CACNA1E: variants seen among roughly 807,000 people sequenced by gnomAD.
The protein encoded by CACNA1E is calcium voltage-gated channel subunit alpha1 E.
A neutral mutation model predicts 259.2 loss-of-function variants in CACNA1E; 40 were observed. The ratio of observed to expected loss-of-function variants is 0.15; its 90% CI spans 0.12 to 0.20. The LOEUF (loss-of-function observed/expected upper bound fraction) is 0.20. Ranked by LOEUF, CACNA1E falls within the 10% of genes least tolerant of loss-of-function variation. The probability of loss-of-function intolerance (pLI) is 1.00; values close to 1 mark genes in which losing one functional copy is unlikely to be tolerated. For synonymous variants in CACNA1E, 1,104 were observed against 1,138.5 expected, an observed-to-expected ratio of 0.97 and a Z score of 0.61; for missense variants, 1,874 against 3,040.1, an observed-to-expected ratio of 0.62 and a Z score of 9.02.
At chr1:181,566,864 A>G (rs982224085) in intron 3 of CACNA1E, among the ~76,000 whole-genome samples, 3 of 151,480 alleles carry the variant, frequency 2.0e-5, no homozygotes, top group Admixed American at 6.6e-5. Context: ...CCCAGAGGAC[A>G]TTTGACAATG....
At chr1:181,693,943 G>A (rs191146937) in intron 7 of CACNA1E, among the ~76,000 whole-genome samples, 9 of 152,168 alleles carry the variant, frequency 5.9e-5, no homozygotes, top group East Asian at 1.9e-4. Context: ...TCTACCAAAC[G>A]TTAAGGAAGA....
intron 26 of CACNA1E, among the ~76,000 whole-genome samples, chr1:181,750,753 T>C (rs1657521353): frequency 6.6e-6 from 1 of 152,222 alleles, no homozygotes; most frequent in South Asian, 2.1e-4. Context: ...TTGTAAAACA[T>C]GCCAAAGTCT....
At chr1:181,494,606 G>A (rs1419296408) in intron 1 of CACNA1E, among the ~76,000 whole-genome samples, 2 of 152,152 alleles carry the variant, frequency 1.3e-5, no homozygotes, top group African/African-American at 4.8e-5. Flanking sequence ...CTTCAAACAA[G>A]TGTATTATCC....
intron 6 of CACNA1E, among the ~76,000 whole-genome samples, chr1:181,620,330 G>T (rs1308707515): frequency 1.3e-5 from 2 of 152,164 alleles, no homozygotes; most frequent in Admixed American, 1.3e-4. Context: ...AAGACATCCT[G>T]ATTGCTATTA....
At chr1:181,691,347 T>A (rs1296522398) in intron 7 of CACNA1E, among the ~76,000 whole-genome samples, 2 of 152,098 alleles carry the variant, frequency 1.3e-5, no homozygotes, top group African/African-American at 4.8e-5. Flanking sequence ...TCTGTTCTGC[T>A]ATCTGCTCTG....
chr1:181,438,127 C>A (rs943846354), intron 2 of CACNA1E, among the ~76,000 whole-genome samples: 1 of 152,214 alleles, frequency 6.6e-6, no homozygotes, highest in African/African-American at 2.4e-5. Flanking sequence ...TGGCCATACT[C>A]CCTTGGGGTG....
intron 37 of CACNA1E, among the ~76,000 whole-genome samples, chr1:181,773,162 A>T (rs1167331329): frequency 6.6e-6 from 1 of 152,302 alleles, no homozygotes; most frequent in East Asian, 1.9e-4. Flanking sequence ...AGGCATTGCT[A>T]CCTTGCAAGT....
intron 2 of CACNA1E, among the ~76,000 whole-genome samples, chr1:181,459,372 A>C (rs114934389): frequency 0.016 from 2,470 of 152,366 alleles, 36 homozygotes; most frequent in Non-Finnish European, 0.024. Flanking sequence ...ACACATGTTC[A>C]GGTAGGGAGA....
intron 7 of CACNA1E, among the ~76,000 whole-genome samples, chr1:181,700,993 G>T (rs1182891963): frequency 1.3e-5 from 2 of 152,128 alleles, no homozygotes; most frequent in Non-Finnish European, 2.9e-5. Flanking sequence ...GGTTCCACTT[G>T]ACCGTCCCAA....
chr1:181,593,902 A>G (rs114468975), intron 6 of CACNA1E, among the ~76,000 whole-genome samples: 1,593 of 152,332 alleles, frequency 0.01, 29 homozygotes, highest in African/African-American at 0.036. Flanking sequence ...GTGTTCCTGA[A>G]TGAGCTGGGG....
chr1:181,486,065 T>G (rs887043389), intron 1 of CACNA1E, among the ~76,000 whole-genome samples: 3 of 152,202 alleles, frequency 2.0e-5, no homozygotes, highest in Non-Finnish European at 2.9e-5. Context: ...TTTTTTCACG[T>G]TTTCTCTTCC....
chr1:181,395,302 C>T lies in CACNA1E; in HGVS notation c.-14-17831C>T, dbSNP rs1048199835. ...TGAGCAACCAGAAGGACAGAGCTGCCGTCAATTCAGAAGGAGATTGTGAAG... is the reference window on the plus strand; with the variant it reads ...TGAGCAACCAGAAGGACAGAGCTGCTGTCAATTCAGAAGGAGATTGTGAAG... On this transcript the variant is annotated intron_variant, in intron 1 of 11. Transcript: ENST00000524607. 9.9e-5 allele frequency among the ~76,000 whole-genome samples: 15 copies of T among 152,040 alleles called. No homozygotes were observed. In the East Asian group the frequency reaches 1.5e-3, roughly 16 times the overall value.
intron 6 of CACNA1E, among the ~76,000 whole-genome samples, chr1:181,598,834 G>A (rs181472623): frequency 6.5e-4 from 98 of 151,902 alleles, no homozygotes; most frequent in Non-Finnish European, 1.1e-3. Flanking sequence ...CTTACTTCAC[G>A]CCCTTGCCTC....
At chr1:181,713,044 C>T (rs546453148) in intron 8 of CACNA1E, among the ~76,000 whole-genome samples, 3 of 152,262 alleles carry the variant, frequency 2.0e-5, no homozygotes, top group African/African-American at 4.8e-5. Context: ...ACAAATGGAG[C>T]GCCAGTGAAT....
intron 1 of CACNA1E, among the ~76,000 whole-genome samples, chr1:181,368,536 C>T (rs1654450992): frequency 6.6e-6 from 1 of 152,098 alleles, no homozygotes; most frequent in Non-Finnish European, 1.5e-5. Flanking sequence ...TCAGACATCC[C>T]TATGGAGCTG....
intron 1 of CACNA1E, among the ~76,000 whole-genome samples, chr1:181,372,828 A>T (rs12037704): frequency 0.067 from 6,801 of 101,542 alleles, 222 homozygotes; most frequent in African/African-American, 0.12. Context: ...ATATATATAT[A>T]TTTTTTTTTT....
In CACNA1E at chr1:181,794,985, G is replaced by A. The variant is rs775134582; in HGVS notation, c.6149G>A (p.Arg2050His). 1.1e-5 allele frequency: 17 copies of A among 1,613,830 alleles called. No homozygotes were observed. The highest frequency in any genetic ancestry group is 2.7e-5 in the African/African-American group (2 of 74,908). Residue 2050 changes from arginine (R) to histidine (H), a missense_variant, in exon 46 of 48, where the codon CGT (arginine) becomes CAT (histidine). Arg to His is a conservative substitution (Grantham distance 29). This residue lies in a region of CACNA1E where 542 missense variants were observed against 587.2 expected (regional missense o/e 0.92). Transcript: ENST00000367573. ...AGCAGTGAAAATACCTACAAGTCCC[G>A]TCGCCGGAGTTACCACTCCTCCTTG... ...ERSSENTYKS[R>H]RRSYHSSLRL...
At chr1:181,779,819 TACACACACACACACACAC>T (rs56301632) in intron 38 of CACNA1E, among the ~76,000 whole-genome samples, 16 of 148,394 alleles carry the variant, frequency 1.1e-4, no homozygotes, top group African/African-American at 4.0e-4. Context: ...TATGCACATG[TACACACACACACACACAC>T]ACACACACAC....
At chr1:181,735,990 TA>T (rs1488251498) in intron 21 of CACNA1E, among the ~76,000 whole-genome samples, 2 of 152,210 alleles carry the variant, frequency 1.3e-5, no homozygotes, top group Non-Finnish European at 2.9e-5. Context: ...TCATGTTGTT[TA>T]TCAGACTGTA....
Sources: allele counts gnomAD v4.1 joint callset (sites outside exome capture counted in the v4.1 genomes callset), GRCh38; gene constraint gnomAD v4.1.1; regional missense constraint gnomAD v4.1.1; transcripts MANE v1.5; gene names NCBI Gene and HGNC (gene_info 2026-07-23, HGNC 2026-07-21).